The following CAP2 variants were observed in gnomAD, a reference collection of about 807,000 sequenced individuals.
CAP2 encodes the protein adenylyl cyclase-associated protein 2.
CAP2 carries 24 observed loss-of-function variants against 57.7 expected under a neutral mutation model. The ratio of observed to expected loss-of-function variants is 0.42; its 90% CI spans 0.30 to 0.58. The LOEUF is 0.58. Ranked by LOEUF, CAP2 falls within the 20% of genes least tolerant of loss-of-function variation. The pLI, the probability that CAP2 is intolerant of heterozygous loss-of-function variation, is 0.22. For synonymous variants in CAP2, 194 were observed against 207.2 expected, an observed-to-expected ratio of 0.94 and a Z score of 0.55; for missense variants, 501 against 590.3, an observed-to-expected ratio of 0.85 and a Z score of 1.57.
chr6:17,461,777 G>A (rs1015641495), intron 3 of CAP2, among the ~76,000 whole-genome samples: 3 of 150,880 alleles, frequency 2.0e-5, no homozygotes, highest in African/African-American at 7.3e-5. Context: ...CGGATCATGA[G>A]GTCAGGAGAT....
intron 3 of CAP2, among the ~76,000 whole-genome samples, chr6:17,460,499 T>C (rs1339055674): frequency 2.0e-5 from 3 of 152,196 alleles, no homozygotes; most frequent in East Asian, 3.8e-4. Context: ...CCATGGAAGA[T>C]AGGGATCAGA....
At chr6:17,473,037 CT>C (rs566161869) in intron 4 of CAP2, among the ~76,000 whole-genome samples, 9,280 of 142,916 alleles carry the variant, frequency 0.065, 857 homozygotes, top group African/African-American at 0.21. Context: ...TCATGGTGAC[CT>C]TTTTTTTTTT....
In CAP2 at chr6:17,527,028, T is replaced by G. The variant is rs1357795921; in HGVS notation, c.637-12241T>G. ...CGGTTTATTGGTCCAGTCTGCACCC[T>G]TGATGCAAACTAAGCATCCCTAAAT... On this transcript the variant is annotated intron_variant, in intron 7 of 12. Coordinates refer to ENST00000229922, the MANE Select transcript of CAP2 (RefSeq NM_006366.3). Among the ~76,000 whole-genome samples the G allele has an allele frequency of 3.3e-5, 5 of 151,498 alleles. No individual in the cohort carries two copies. In the East Asian group the frequency reaches 7.8e-4, roughly 24 times the overall value.
chr6:17,398,410 G>A (rs1010717102), intron 1 of CAP2, among the ~76,000 whole-genome samples: 5 of 152,070 alleles, frequency 3.3e-5, no homozygotes, highest in African/African-American at 7.2e-5. Context: ...ATTCATTCAG[G>A]ATATTTCTCC....
intron 4 of CAP2, among the ~76,000 whole-genome samples, chr6:17,503,751 G>T (rs1761898656): frequency 6.6e-6 from 1 of 152,062 alleles, no homozygotes; most frequent in African/African-American, 2.4e-5. Context: ...CTCCAAATAT[G>T]GTACTGGGGG....
chr6:17,497,755 A>G (rs1761704459), intron 4 of CAP2, among the ~76,000 whole-genome samples: 1 of 152,214 alleles, frequency 6.6e-6, no homozygotes, highest in African/African-American at 2.4e-5. Flanking sequence ...GCATGAATGG[A>G]AAAGATATGT....
chr6:17,541,235 TTC>T (rs1762892893), intron 9 of CAP2, 87 bp downstream of exon 9: 1 of 1,080,360 alleles, frequency 9.3e-7, no homozygotes, highest in Non-Finnish European at 1.3e-6. Flanking sequence ...TCTGAAGGAT[TTC>T]TTTTTTTTAA....
chr6:17,536,137 T>C (rs575289068), intron 7 of CAP2: 1 of 452,708 alleles, frequency 2.2e-6, no homozygotes, highest in African/African-American at 2.0e-5. Context: ...CTCTGTTTTT[T>C]CTTGGGACAT....
chr6:17,399,975 A>C (rs567369184), intron 1 of CAP2, among the ~76,000 whole-genome samples: 138 of 152,126 alleles, frequency 9.1e-4, no homozygotes, highest in African/African-American at 3.0e-3. Flanking sequence ...TAATCCCAGC[A>C]CTTTGGGAGG....
chr6:17,402,796 A>G (rs1352712463), intron 1 of CAP2, among the ~76,000 whole-genome samples: 1 of 152,234 alleles, frequency 6.6e-6, no homozygotes, highest in South Asian at 2.1e-4. Flanking sequence ...CTTAACTTAT[A>G]TCTCTACAGG....
chr6:17,442,131 G>C (rs537871802), intron 3 of CAP2, among the ~76,000 whole-genome samples: 6 of 152,278 alleles, frequency 3.9e-5, no homozygotes, highest in Non-Finnish European at 7.3e-5. Context: ...GGTCGAGTAA[G>C]TCAGGCAAAG....
chr6:17,453,050 G>A (rs1360276879), intron 3 of CAP2, among the ~76,000 whole-genome samples: 4 of 152,200 alleles, frequency 2.6e-5, no homozygotes. Context: ...AATCAACATT[G>A]GTTGGGTTTA....
chr6:17,403,372 G>C (rs2113503912), intron 1 of CAP2, among the ~76,000 whole-genome samples: 1 of 152,306 alleles, frequency 6.6e-6, no homozygotes, highest in Middle Eastern at 3.4e-3. Flanking sequence ...CAAAGTGCGG[G>C]GATTACTGGC....
At chr6:17,438,136 G>A (rs913803213) in intron 3 of CAP2, among the ~76,000 whole-genome samples, 1 of 146,966 alleles carries the variant, frequency 6.8e-6, no homozygotes, top group African/African-American at 2.7e-5. Flanking sequence ...GGGAGGCCAA[G>A]GTGGGCGGAT....
chr6:17,452,511 C>G (rs1173018047), intron 3 of CAP2, among the ~76,000 whole-genome samples: 3 of 152,144 alleles, frequency 2.0e-5, no homozygotes, highest in African/African-American at 7.2e-5. Context: ...ACATTCCGTA[C>G]TTCTTTATTT....
intron 4 of CAP2, among the ~76,000 whole-genome samples, chr6:17,466,344 C>G (rs184256613): frequency 6.6e-6 from 1 of 152,252 alleles, no homozygotes; most frequent in Non-Finnish European, 1.5e-5. Flanking sequence ...ACTGCTGGGC[C>G]CCACTTACAG....
chr6:17,503,374 C>T (rs540619589), intron 4 of CAP2, among the ~76,000 whole-genome samples: 8 of 151,898 alleles, frequency 5.3e-5, no homozygotes, highest in African/African-American at 1.2e-4. Flanking sequence ...TTTGGGAGGC[C>T]GAGGCGGGCA....
At chr6:17,506,776 C>T (rs112544363) in intron 4 of CAP2, among the ~76,000 whole-genome samples, 4 of 152,288 alleles carry the variant, frequency 2.6e-5, no homozygotes, top group African/African-American at 9.6e-5. Context: ...TTTTACTAAC[C>T]TTCCGGTCTT....
At chr6:17,520,765 T>G (rs1172252298) in intron 7 of CAP2, among the ~76,000 whole-genome samples, 1 of 152,264 alleles carries the variant, frequency 6.6e-6, no homozygotes, top group East Asian at 1.9e-4. Flanking sequence ...TATGTATGCC[T>G]TGTACGTTTT....
Sources: gnomAD v4.1 joint callset for allele counts (sites outside exome capture counted in the v4.1 genomes callset) on GRCh38, gnomAD v4.1.1 for gene constraint, MANE v1.5 for transcripts, NCBI Gene and HGNC (gene_info 2026-07-23, HGNC 2026-07-21) for gene names.